ZNF280C: variants seen among roughly 807,000 people sequenced by gnomAD.
ZNF280C encodes the protein suppressor of hairy wing homolog 3.
In ZNF280C, 14 loss-of-function variants were observed where a neutral mutation model predicts 53.6. That is an observed-to-expected ratio of 0.26 (90% CI 0.17 to 0.41). The LOEUF is 0.41. ZNF280C is among the 10% of genes least tolerant of loss of function. The pLI is 1.00. For missense variants in ZNF280C, 416 were observed against 547.1 expected, an observed-to-expected ratio of 0.76 and a Z score of 2.39; for synonymous variants, 203 against 181.1, an observed-to-expected ratio of 1.12 and a Z score of -0.97.
At chrX:130,231,017 G>A (rs2124704611) in intron 8 of ZNF280C, among the ~76,000 whole-genome samples, 1 of 111,480 alleles carries the variant, frequency 9.0e-6, no homozygotes, top group South Asian at 3.7e-4. Context: ...TTTCTTTTTA[G>A]ATGTAAATAT....
chrX:130,259,519 T>C (rs533936992), intron 2 of ZNF280C, among the ~76,000 whole-genome samples: 1 of 112,522 alleles, frequency 8.9e-6, no homozygotes, highest in South Asian at 3.7e-4. Context: ...CATAATAACA[T>C]ATATAGTATG....
intron 3 of ZNF280C, 27 bp downstream of exon 3, chrX:130,246,832 G>A (rs932166435): frequency 6.7e-6 from 8 of 1,198,566 alleles, no homozygotes; most frequent in Non-Finnish European, 9.0e-6. Context: ...CTTATGAAAC[G>A]TTACTTCACT....
intron 2 of ZNF280C, among the ~76,000 whole-genome samples, chrX:130,248,392 C>G (rs973628974): frequency 4.5e-5 from 5 of 110,072 alleles, no homozygotes; most frequent in Non-Finnish European, 9.5e-5. Context: ...CAGGAGAAGA[C>G]CCTTTGATCA....
chrX:130,256,070 T>G (rs766931266), intron 2 of ZNF280C, among the ~76,000 whole-genome samples: 4 of 111,285 alleles, frequency 3.6e-5, no homozygotes, highest in Non-Finnish European at 7.5e-5. Flanking sequence ...GAGGTGGGGC[T>G]GCAGTGAGCC....
chrX:130,233,621 T>TA (rs2032301619), intron 8 of ZNF280C, among the ~76,000 whole-genome samples: 1 of 49,585 alleles, frequency 2.0e-5, no homozygotes, highest in East Asian at 5.6e-4. Context: ...AAACTCTGTC[T>TA]CAAAAAAAAA....
At chrX:130,233,432 C>T (rs2032298272) in intron 8 of ZNF280C, among the ~76,000 whole-genome samples, 1 of 110,311 alleles carries the variant, frequency 9.1e-6, no homozygotes, top group Non-Finnish European at 1.9e-5. Flanking sequence ...GCCTGACCAA[C>T]ATGGAGAAAC....
intron 1 of ZNF280C, among the ~76,000 whole-genome samples, chrX:130,264,610 T>C (rs16999648): frequency 0.011 from 1,234 of 110,809 alleles, 13 homozygotes; most frequent in African/African-American, 0.038. Flanking sequence ...GCTATAGAAA[T>C]GAAGGTACTG....
rs770417989 is a variant in ZNF280C at position 130,230,658 on chromosome X, C to G, written c.841G>C (p.Asp281His). 4 of 1,209,335 alleles carry G rather than the reference C, an allele frequency of 3.3e-6. No homozygotes were observed. The highest frequency in any genetic ancestry group is 4.5e-6 in the Non-Finnish European group (4 of 893,978). The part of the protein sequence containing the change: ...IVKSERPCDE[D>H]KTDSETGKLI... ...TTTCCTGTCTCTGAATCAGTCTTGT[C>G]TTCATCACATGGACGTTCTGATTTA... Residue 281 changes from aspartate (D) to histidine (H), a missense_variant, in exon 9 of 19, where the codon GAC becomes CAC. Coordinates refer to ENST00000370978, the MANE Select transcript of ZNF280C (RefSeq NM_017666.5).
chrX:130,268,446 G>A (rs1321581365), intron 1 of ZNF280C, among the ~76,000 whole-genome samples: 6 of 112,244 alleles, frequency 5.3e-5, no homozygotes. Flanking sequence ...AAACCGGGTT[G>A]GAAACAGACC....
At chrX:130,233,455 A>G (rs1004644213) in intron 8 of ZNF280C, among the ~76,000 whole-genome samples, 3 of 109,496 alleles carry the variant, frequency 2.7e-5, no homozygotes, top group Non-Finnish European at 5.7e-5. Context: ...CATCTCTACT[A>G]AAAATACGAA....
At chrX:130,215,706 T>C in intron 14 of ZNF280C, 85 bp downstream of exon 14, 1 of 923,696 alleles carries the variant, frequency 1.1e-6, no homozygotes, top group Non-Finnish European at 1.5e-6. Flanking sequence ...GATTATCATG[T>C]AAATGTGTAA....
rs57006868 is a variant in ZNF280C at position 130,252,718 on chromosome X, CA to C, written c.32-5714del. Among the ~76,000 whole-genome samples, 25 of 95,646 alleles carry C rather than the reference CA, an allele frequency of 2.6e-4. 1 individual carries two copies. Among genetic ancestry groups the C allele is most frequent in the Admixed American group, 5.8e-4 (5 of 8,623 alleles). 83.1% of individuals were successfully genotyped at this position (95,646 alleles called of 115,157 possible). The stretch of plus-strand genomic sequence containing the variant: ...CTGGTGACAGAGTGAGACTCCGTCT[CA>C]AAAAAAAAAAAATTCTCAATAAACT... On this transcript the variant is annotated intron_variant, in intron 2 of 18. Transcript: ENST00000370978.
At chrX:130,259,220 TTTTC>T (rs1236097484) in intron 2 of ZNF280C, among the ~76,000 whole-genome samples, 1 of 112,285 alleles carries the variant, frequency 8.9e-6, no homozygotes, top group Non-Finnish European at 1.9e-5. Context: ...GAAAAACATA[TTTTC>T]TTTCTTTGTA....
Position 130,215,921 on chromosome X carries a change from A to ATGTAGTTGC in ZNF280C, c.1699_1707dup (p.Ala567_Thr569dup), listed in dbSNP as rs749271028. 1 of 1,210,790 alleles carries ATGTAGTTGC rather than the reference A, an allele frequency of 8.3e-7. No homozygotes were observed. The highest frequency in any genetic ancestry group is 1.8e-5 in the South Asian group (1 of 56,953). On this transcript the variant is annotated inframe_insertion, in exon 14 of 19. Transcript: ENST00000370978. ...CTTGTATTAACTTTACTTGCAGTGG[A>ATGTAGTTGC]TGTAGTTGCATGAAGCTTACTTGTC...
intron 1 of ZNF280C, among the ~76,000 whole-genome samples, chrX:130,265,852 T>C (rs751610145): frequency 8.7e-4 from 98 of 112,540 alleles, no homozygotes; most frequent in African/African-American, 2.8e-3. Context: ...TACCGTTAAG[T>C]TGATGAATAC....
At chrX:130,220,197 T>C in intron 13 of ZNF280C, 152 bp downstream of exon 13, 1 of 447,844 alleles carries the variant, frequency 2.2e-6, no homozygotes, top group African/African-American at 2.5e-5. Flanking sequence ...CTTTTAGTTA[T>C]TTTGAAATAC....
At chrX:130,241,187 C>T (rs2032386595) in intron 5 of ZNF280C, among the ~76,000 whole-genome samples, 2 of 111,291 alleles carry the variant, frequency 1.8e-5, no homozygotes, top group Non-Finnish European at 3.8e-5. Context: ...ATAATACTCT[C>T]CTTCCCTGCC....
chrX:130,224,852 A>T (rs1212301515), intron 12 of ZNF280C, among the ~76,000 whole-genome samples: 1 of 111,607 alleles, frequency 9.0e-6, no homozygotes, highest in African/African-American at 3.3e-5. Flanking sequence ...TTTTTGTGCG[A>T]ATTTTCTTGA....
At chrX:130,263,560 G>A (rs889743923) in intron 1 of ZNF280C, among the ~76,000 whole-genome samples, 1 of 111,596 alleles carries the variant, frequency 9.0e-6, no homozygotes, top group East Asian at 2.8e-4. Flanking sequence ...GGGTTGGTGG[G>A]AAATGGGGAG....
Sources: allele counts gnomAD v4.1 joint callset (sites outside exome capture counted in the v4.1 genomes callset), GRCh38; gene constraint gnomAD v4.1.1; transcripts MANE v1.5; gene names NCBI Gene and HGNC (gene_info 2026-07-23, HGNC 2026-07-21).